The following NDRG1 variants were observed in gnomAD, a reference collection of about 807,000 sequenced individuals.
NDRG1 encodes the protein protein NDRG1.
Under a neutral mutation model 56.9 loss-of-function variants are expected in NDRG1, and 32 were observed. The ratio of observed to expected loss-of-function variants is 0.56; its 90% confidence interval spans 0.42 to 0.76. The LOEUF (loss-of-function observed/expected upper bound fraction) is 0.76, where lower values mean the gene tolerates loss of function less well. Among genes scored for constraint, NDRG1 ranks in the 30% least tolerant of loss-of-function variants. NDRG1 has a pLI of 0.00. For synonymous variants in NDRG1, 211 were observed against 204.1 expected, an observed-to-expected ratio of 1.03 and a Z score of -0.29; for missense variants, 507 against 545.7, an observed-to-expected ratio of 0.93 and a Z score of 0.71.
Position 133,259,278 on chromosome 8 carries a change from G to A in NDRG1, c.327-48C>T, listed in dbSNP as rs2233326. ...ATTAGTGAGCGCCCGGACAGAAACG[G>A]GTAATCCAAACAGGGACACGCTTGA... is the stretch of plus-strand genomic sequence containing the variant. On this transcript the variant is annotated intron_variant, in intron 5 of 15. Transcript: ENST00000323851. 4.4e-6 allele frequency: 7 copies of A among 1,581,112 alleles called. No individual in the cohort carries two copies. In the African/African-American group the frequency reaches 8.1e-5, roughly 18 times the overall value.
chr8:133,290,115 G>A (rs1858349293), intron 1 of NDRG1, among the ~76,000 whole-genome samples: 1 of 152,130 alleles, frequency 6.6e-6, no homozygotes, highest in African/African-American at 2.4e-5. Context: ...TCAGACTCCT[G>A]TCTGTTAAGA....
At chr8:133,294,211 C>T (rs1007527612) in intron 1 of NDRG1, among the ~76,000 whole-genome samples, 1 of 152,234 alleles carries the variant, frequency 6.6e-6, no homozygotes, top group East Asian at 1.9e-4. Flanking sequence ...TGAAGTCCAA[C>T]TGTCCGGGTT....
intron 13 of NDRG1, among the ~76,000 whole-genome samples, chr8:133,246,021 C>T (rs963553889): frequency 1.5e-4 from 23 of 152,352 alleles, no homozygotes; most frequent in African/African-American, 5.3e-4. Flanking sequence ...ACCCAGGTCC[C>T]GCCTGGTCAT....
At chr8:133,271,854 G>T (rs1190088262) in intron 3 of NDRG1, among the ~76,000 whole-genome samples, 1 of 145,174 alleles carries the variant, frequency 6.9e-6, no homozygotes, top group Non-Finnish European at 1.5e-5. Context: ...GGAGGTGTGT[G>T]TGTAGCCAGG....
intron 3 of NDRG1, among the ~76,000 whole-genome samples, chr8:133,279,882 C>G (rs1033380710): frequency 3.3e-5 from 5 of 152,218 alleles, no homozygotes; most frequent in Admixed American, 6.5e-5. Context: ...GAGCCAAGAA[C>G]ATCAAGCTTT....
At chr8:133,287,962 C>A (rs1001933583) in intron 1 of NDRG1, among the ~76,000 whole-genome samples, 3 of 152,114 alleles carry the variant, frequency 2.0e-5, no homozygotes, top group Non-Finnish European at 4.4e-5. Context: ...CACACACACA[C>A]ACTCTCAAAT....
chr8:133,255,476 T>C, intron 8 of NDRG1: 1 of 429,412 alleles, frequency 2.3e-6, no homozygotes, highest in Admixed American at 2.4e-5. Context: ...TTAAAGACAA[T>C]CCTCAGGCTT....
chr8:133,263,793 G>A (rs935622948), intron 4 of NDRG1, among the ~76,000 whole-genome samples: 3 of 151,922 alleles, frequency 2.0e-5, no homozygotes, highest in South Asian at 2.1e-4. Flanking sequence ...GTGGGTGCCC[G>A]TAATCCCAGG....
chr8:133,250,310 T>C, intron 10 of NDRG1, 130 bp downstream of exon 10: 1 of 866,548 alleles, frequency 1.2e-6, no homozygotes, highest in East Asian at 2.5e-5. Flanking sequence ...GTCCTATTAA[T>C]CTATTTGCTC....
intron 12 of NDRG1, among the ~76,000 whole-genome samples, chr8:133,247,629 G>A (rs1352138742): frequency 6.6e-6 from 1 of 152,346 alleles, no homozygotes. Context: ...CAAGCCGATG[G>A]GACACAGACT....
intron 15 of NDRG1, chr8:133,239,571 A>C: frequency 4.9e-6 from 1 of 204,604 alleles, no homozygotes; most frequent in African/African-American, 2.3e-5. Flanking sequence ...CAGGTGGGGA[A>C]AGGGAGAGGG....
intron 1 of NDRG1, among the ~76,000 whole-genome samples, chr8:133,292,900 C>T (rs13263811): frequency 0.028 from 4,317 of 152,300 alleles, 82 homozygotes; most frequent in African/African-American, 0.042. Flanking sequence ...CAAGAAAACC[C>T]GCTGGACTCA....
At chr8:133,293,622 C>T (rs1198270431) in intron 1 of NDRG1, among the ~76,000 whole-genome samples, 3 of 152,224 alleles carry the variant, frequency 2.0e-5, no homozygotes, top group African/African-American at 7.2e-5. Context: ...ACTGTGGACA[C>T]AGGGTGGCCT....
intron 13 of NDRG1, among the ~76,000 whole-genome samples, chr8:133,244,995 C>T (rs914275043): frequency 8.6e-5 from 13 of 151,442 alleles, no homozygotes; most frequent in East Asian, 2.0e-4. Flanking sequence ...GGGGAGGCTG[C>T]GGGGAGGGTG....
At chr8:133,256,632 G>C (rs1856384706) in intron 8 of NDRG1, 145 bp downstream of exon 8, 1 of 750,444 alleles carries the variant, frequency 1.3e-6, no homozygotes, top group Non-Finnish European at 2.3e-6. Context: ...AAGTAAAGCA[G>C]AGGGAACTGG....
intron 3 of NDRG1, among the ~76,000 whole-genome samples, chr8:133,268,934 A>T (rs1044992049): frequency 2.0e-5 from 3 of 152,106 alleles, no homozygotes; most frequent in Non-Finnish European, 2.9e-5. Context: ...ACGCGGTTCT[A>T]AGCCAGTCAA....
intron 3 of NDRG1, 24 bp downstream of exon 3, chr8:133,280,208 A>T: frequency 6.2e-7 from 1 of 1,613,664 alleles, no homozygotes; most frequent in Non-Finnish European, 8.5e-7. Flanking sequence ...AGGAAGGGGA[A>T]GGAAAGCCAC....
intron 5 of NDRG1, 83 bp from the exon 6 acceptor site, chr8:133,259,313 AC>A: frequency 7.1e-7 from 1 of 1,406,258 alleles, no homozygotes; most frequent in Non-Finnish European, 1.0e-6. Context: ...AAGGGTGGGG[AC>A]CATGCAGCAG....
At chr8:133,284,372 G>C (rs751338468) in intron 1 of NDRG1, 43 bp from the exon 2 acceptor site, 1 of 1,597,178 alleles carries the variant, frequency 6.3e-7, no homozygotes, top group Non-Finnish European at 8.6e-7. Context: ...TTCCTGCTGA[G>C]AGGTTTCCTA....
Sources: allele counts gnomAD v4.1 joint callset (sites outside exome capture counted in the v4.1 genomes callset), GRCh38; gene constraint gnomAD v4.1.1; transcripts MANE v1.5; gene names NCBI Gene and HGNC (gene_info 2026-07-23, HGNC 2026-07-21).